Variants in HYDIN observed in about 807,000 individuals in gnomAD.
HYDIN encodes HYDIN axonemal central pair apparatus protein.
In HYDIN, 132 loss-of-function variants were observed where a neutral mutation model predicts 403.9. The ratio of observed to expected loss-of-function variants is 0.33; its 90% CI spans 0.28 to 0.38. The LOEUF is 0.38. Ranked by LOEUF, HYDIN falls within the 10% of genes least tolerant of loss-of-function variation. The pLI is 1.00. For synonymous variants in HYDIN, 1,202 were observed against 1,891.7 expected (o/e 0.64, Z 9.46); for missense variants, 2,827 against 5,009.5 (o/e 0.56, Z 13.15).
chr16:71,066,707 T>C (rs2082281779), intron 15 of HYDIN: 1 of 365,216 alleles, frequency 2.7e-6, no homozygotes, highest in Non-Finnish European at 5.4e-6. Flanking sequence ...AGTCAACAAA[T>C]GGCTGAGCCA....
chr16:71,225,313 C>T (rs1257261400), intron 1 of HYDIN, among the ~76,000 whole-genome samples: 1 of 152,194 alleles, frequency 6.6e-6, no homozygotes, highest in Non-Finnish European at 1.5e-5. Context: ...ATCTAGGTTG[C>T]TGCCCACAAC....
At chr16:70,828,671 A>G (rs896797840) in intron 81 of HYDIN, among the ~76,000 whole-genome samples, 1 of 152,206 alleles carries the variant, frequency 6.6e-6, no homozygotes, top group Admixed American at 6.5e-5. Context: ...AAAGTTATGC[A>G]TATATATAAG....
In HYDIN at chr16:70,862,077, A is replaced by G; in HGVS notation, c.11748T>C (p.Ile3916=). 2 of 1,603,028 alleles carry G rather than the reference A, an allele frequency of 1.2e-6. No homozygotes were observed. Among genetic ancestry groups the G allele is most frequent in the Non-Finnish European group, 1.7e-6 (2 of 1,174,724 alleles). ...KFKVKFSPLD[I]GDFESNLFCQ... ...AGAAAAGGTTGCTCTCGAAGTCTCC[A>G]ATGTCCAACGGGGAGAATTTTACTT... Residue 3916 remains isoleucine (I), a synonymous_variant, in exon 69 of 86, where the codon ATT becomes ATC. Transcript: ENST00000393567.
At position 70,807,541 on chromosome 16, in the gene HYDIN, T is replaced by C. The variant is rs764409057; in HGVS notation, c.*39A>G. On this transcript the variant is annotated 3_prime_UTR_variant, in exon 86 of 86. Transcript: ENST00000393567. ...TCTATTCTTTTTCAGGCTAAGACAA[T>C]GCATAGCTTTTGGTTGATACAGGTA... is the stretch of plus-strand genomic sequence containing the variant. 7 of 1,553,628 alleles carry C rather than the reference T, an allele frequency of 4.5e-6. No individual in the cohort carries two copies. Among genetic ancestry groups the C allele is most frequent in the Non-Finnish European group, 6.1e-6 (7 of 1,150,596 alleles).
In HYDIN at chr16:70,807,797, A is replaced by C; in HGVS notation, c.15149T>G (p.Val5050Gly). Residue 5050 changes from valine to glycine, a missense_variant, in exon 86 of 86, where the codon GTG becomes GGG. Coordinates refer to ENST00000393567, the MANE Select transcript of HYDIN (RefSeq NM_001270974.2). ...GTTATCCACGATGATGGAGAAGGTC[A>C]CCATGTGATAGAAGACATTCTTGAA... ...IPFKNVFYHM[V>G]TFSIIVDNPA... 6.2e-7 allele frequency: 1 copy of C among 1,614,204 alleles called. No individual in the cohort carries two copies.
intron 25 of HYDIN, among the ~76,000 whole-genome samples, chr16:70,988,952 C>T (rs1448287982): frequency 2.0e-5 from 3 of 151,606 alleles, no homozygotes; most frequent in Non-Finnish European, 4.4e-5. Flanking sequence ...CTAAGAATTT[C>T]GTAGCATTTT....
intron 22 of HYDIN, among the ~76,000 whole-genome samples, chr16:71,018,797 C>T (rs1460661382): frequency 6.6e-6 from 1 of 152,252 alleles, no homozygotes; most frequent in African/African-American, 2.4e-5. Context: ...GAAAAGTCTA[C>T]AATGAATAAC....
At chr16:70,837,486 A>G (rs1255003622) in intron 77 of HYDIN, among the ~76,000 whole-genome samples, 1 of 152,158 alleles carries the variant, frequency 6.6e-6, no homozygotes, top group Non-Finnish European at 1.5e-5. Flanking sequence ...AATAAGATCT[A>G]TGATTCAGTG....
At chr16:71,182,111 C>A (rs1425330128) in intron 3 of HYDIN, among the ~76,000 whole-genome samples, 1 of 151,996 alleles carries the variant, frequency 6.6e-6, no homozygotes, top group Non-Finnish European at 1.5e-5. Context: ...GTCTGAAGAG[C>A]AGCATAGGGA....
chr16:71,077,914 T>C (rs984013750), intron 13 of HYDIN, among the ~76,000 whole-genome samples: 1 of 151,970 alleles, frequency 6.6e-6, no homozygotes, highest in African/African-American at 2.4e-5. Flanking sequence ...TATGAATGAG[T>C]GTTGGATTCT....
intron 6 of HYDIN, among the ~76,000 whole-genome samples, chr16:71,156,958 T>C (rs1470264540): frequency 6.6e-6 from 1 of 151,264 alleles, no homozygotes; most frequent in Non-Finnish European, 1.5e-5. Context: ...GTAAAATTAT[T>C]ATGCTTATTT....
chr16:71,106,168 C>CCT (rs10549453), intron 10 of HYDIN, among the ~76,000 whole-genome samples: 23 of 144,768 alleles, frequency 1.6e-4, no homozygotes, highest in South Asian at 6.7e-4. Context: ...TCCCTCCCTC[C>CCT]CTCTCTCTCT....
At chr16:71,194,489 T>C (rs1234455359) in intron 1 of HYDIN, among the ~76,000 whole-genome samples, 1 of 152,202 alleles carries the variant, frequency 6.6e-6, no homozygotes, top group African/African-American at 2.4e-5. Context: ...GAGAAACTTA[T>C]TTCCATTAAG....
chr16:71,065,128 G>T (rs1486662680), intron 15 of HYDIN, among the ~76,000 whole-genome samples: 1 of 152,216 alleles, frequency 6.6e-6, no homozygotes, highest in Non-Finnish European at 1.5e-5. Context: ...TTGGGCAAGG[G>T]GTCCCCATGG....
chr16:70,949,738 A>G (rs896584051), intron 41 of HYDIN, among the ~76,000 whole-genome samples: 2 of 152,306 alleles, frequency 1.3e-5, no homozygotes, highest in Admixed American at 1.3e-4. Context: ...GTCTTGTCAC[A>G]CTGGGGCAGT....
In HYDIN at chr16:71,184,934, T is replaced by C; in HGVS notation, c.192A>G (p.Ala64=). The change falls in exon 3 of 86, where the codon GCA becomes GCG. Residue 64 remains alanine (A), a synonymous_variant. Transcript: ENST00000393567. ...GTGGTCGGCACATCAAACGTGTTTT[T>C]GCCAGTCTCTGCTCGGTGGTCAGGG... ...EMSLTTEQRL[A]KTRLMCRPQI... The C allele has an allele frequency of 6.2e-7, 1 of 1,611,666 alleles. No homozygotes were observed. Among genetic ancestry groups the C allele is most frequent in the South Asian group, 1.1e-5 (1 of 90,804 alleles).
chr16:70,862,906 G>T (rs1024258073), intron 68 of HYDIN, among the ~76,000 whole-genome samples, 179 bp downstream of exon 68: 1 of 152,096 alleles, frequency 6.6e-6, no homozygotes, highest in Non-Finnish European at 1.5e-5. Context: ...CCAGGAGGGT[G>T]GAGGTAAGTT....
At chr16:71,194,274 G>T (rs766625536) in intron 1 of HYDIN, among the ~76,000 whole-genome samples, 4 of 152,096 alleles carry the variant, frequency 2.6e-5, no homozygotes, top group Non-Finnish European at 5.9e-5. Context: ...AGCTGGGCGT[G>T]GTGGCACGGG....
intron 4 of HYDIN, among the ~76,000 whole-genome samples, chr16:71,178,288 G>A (rs922788733): frequency 3.3e-5 from 5 of 151,540 alleles, no homozygotes; most frequent in Non-Finnish European, 5.9e-5. Flanking sequence ...GTGTGGTGGC[G>A]CATGCCTGTA....
Sources: gnomAD v4.1 joint callset for allele counts (sites outside exome capture counted in the v4.1 genomes callset) on GRCh38, gnomAD v4.1.1 for gene constraint, MANE v1.5 for transcripts, NCBI Gene and HGNC (gene_info 2026-07-23, HGNC 2026-07-21) for gene names.